The following FLYWCH1 variants were observed in gnomAD, a reference collection of about 807,000 sequenced individuals.
The protein encoded by FLYWCH1 is FLYWCH-type zinc finger 1, also known as FLYWCH-type zinc finger-containing protein 1.
In FLYWCH1, 75 loss-of-function variants were observed where a neutral mutation model predicts 66.4. The ratio of observed to expected loss-of-function variants is 1.13; its 90% confidence interval spans 0.94 to 1.37. FLYWCH1 has a LOEUF of 1.37. Ranked by LOEUF, FLYWCH1 falls within the 40% of genes most tolerant of loss-of-function variation. The probability of loss-of-function intolerance (pLI) is 0.00; values close to 1 mark genes in which losing one functional copy is unlikely to be tolerated. For missense variants in FLYWCH1, 1,334 were observed against 1,001.8 expected (o/e 1.33, Z -4.48); for synonymous variants, 595 against 429.9 (o/e 1.38, Z -4.75).
chr16:2,916,980 T>A (rs1433470263), intron 2 of FLYWCH1, among the ~76,000 whole-genome samples: 1 of 135,908 alleles, frequency 7.4e-6, no homozygotes. Flanking sequence ...CCATCTCTAG[T>A]AAAAAAAAAA....
intron 2 of FLYWCH1, among the ~76,000 whole-genome samples, chr16:2,915,802 A>AG (rs1289445424): frequency 7.2e-6 from 1 of 139,072 alleles, no homozygotes; most frequent in Non-Finnish European, 1.6e-5. Context: ...GTGTCGAGAG[A>AG]AAAAAAAAAA....
In FLYWCH1 at chr16:2,933,144, C is replaced by G; in HGVS notation, c.811C>G (p.Leu271Val). ...SILGLGQARP[L>V]EFLRTCYGGS... Reference sequence around the variant, plus strand: ...CTCTCCTCTAGGACAGGCCCGGCCCCTCGAGTTCCTGAGGACGTGCTACGG... The same window carrying G: ...CTCTCCTCTAGGACAGGCCCGGCCCGTCGAGTTCCTGAGGACGTGCTACGG... The change falls in exon 5 of 10, where the codon CTC (leucine) becomes GTC (valine). Residue 271 changes from leucine (L) to valine (V), a missense_variant. Leu to Val is a conservative substitution (Grantham distance 32). Transcript: ENST00000253928. 2 of 1,613,452 alleles carry G rather than the reference C, an allele frequency of 1.2e-6. No homozygotes were observed. The highest frequency in any genetic ancestry group is 1.7e-6 in the Non-Finnish European group (2 of 1,179,718).
intron 4 of FLYWCH1, among the ~76,000 whole-genome samples, chr16:2,931,874 G>A (rs1030184727): frequency 5.9e-5 from 9 of 152,136 alleles, no homozygotes; most frequent in Non-Finnish European, 1.2e-4. Flanking sequence ...AGCACTTTGG[G>A]AGGTCGAGGT....
chr16:2,939,327 C>G (rs977879540), intron 8 of FLYWCH1, among the ~76,000 whole-genome samples: 2 of 152,098 alleles, frequency 1.3e-5, no homozygotes, highest in African/African-American at 2.4e-5. Context: ...TGCCTGTAAT[C>G]CCAGCTACGC....
At position 2,937,588 on chromosome 16, in the gene FLYWCH1, C is replaced by T. The variant is rs539638811; in HGVS notation, c.1777+204C>T. ...CCTCTGGGTAGTGGGGACTGGCTGT[C>T]GGAGGTAGAAACCCACTCAGCTCTC... On this transcript the variant is annotated intron_variant, in intron 7 of 9. Transcript: ENST00000253928. Among the ~76,000 whole-genome samples, 20 of 152,224 alleles carry T rather than the reference C, an allele frequency of 1.3e-4. No homozygotes were observed. The East Asian group carries it at 1.9e-3, about 15-fold the overall frequency.
chr16:2,938,054 G>A (rs1265033916), intron 7 of FLYWCH1, 130 bp from the exon 8 acceptor site: 1 of 883,980 alleles, frequency 1.1e-6, no homozygotes, highest in Non-Finnish European at 1.7e-6. Context: ...GAGGAGGGCA[G>A]GGACCACCGT....
At chr16:2,932,089 G>T (rs1305465496) in intron 4 of FLYWCH1, among the ~76,000 whole-genome samples, 1 of 144,104 alleles carries the variant, frequency 6.9e-6, no homozygotes, top group Non-Finnish European at 1.5e-5. Context: ...CCGCACTCCA[G>T]CCTGGGCAAA....
chr16:2,913,982 T>C (rs925668562), intron 1 of FLYWCH1, among the ~76,000 whole-genome samples, 194 bp from the exon 2 acceptor site: 4 of 152,182 alleles, frequency 2.6e-5, no homozygotes, highest in African/African-American at 9.7e-5. Flanking sequence ...ACTGCTGAGA[T>C]GACAGGTGTG....
chr16:2,948,611 G>A (rs1356557544), intron 9 of FLYWCH1, 77 bp from the exon 10 acceptor site: 14 of 1,471,512 alleles, frequency 9.5e-6, no homozygotes, highest in Non-Finnish European at 1.1e-5. Context: ...AGGATTCCAG[G>A]AATCCTGAAC....
chr16:2,938,463 G>C lies in FLYWCH1; in HGVS notation c.2050+7G>C, dbSNP rs1366114212. On this transcript the variant is annotated splice_region_variant and intron_variant, in intron 8 of 9. Transcript: ENST00000253928. ...GCCCAGCAGGAGGACCCAGGTACAGGCAGGCTGTGGGGCAGAGGCAGGGCT... is the reference window on the plus strand; with the variant it reads ...GCCCAGCAGGAGGACCCAGGTACAGCCAGGCTGTGGGGCAGAGGCAGGGCT... 3.3e-6 allele frequency: 5 copies of C among 1,517,990 alleles called. No individual in the cohort carries two copies. Among genetic ancestry groups the C allele is most frequent in the Non-Finnish European group, 4.4e-6 (5 of 1,135,176 alleles). The allele number at this position is 1,517,990 out of a possible 1,614,324, so 94.0% of individuals were successfully genotyped here.
chr16:2,936,223 T>C (rs1362639502), intron 6 of FLYWCH1: 1 of 353,288 alleles, frequency 2.8e-6, no homozygotes, highest in Non-Finnish European at 5.7e-6. Context: ...TTGCTGGATA[T>C]TTTCATCCGT....
intron 9 of FLYWCH1, among the ~76,000 whole-genome samples, chr16:2,946,896 G>A (rs2151030019): frequency 6.6e-6 from 1 of 152,170 alleles, no homozygotes; most frequent in East Asian, 1.9e-4. Context: ...TACTCTCTTG[G>A]CGACGATGCA....
At chr16:2,936,838 A>ACT (rs2071024124) in intron 6 of FLYWCH1, 1 of 615,718 alleles carries the variant, frequency 1.6e-6, no homozygotes, top group African/African-American at 1.8e-5. Flanking sequence ...GGGACGGACG[A>ACT]GTGACGCAGC....
In FLYWCH1 at chr16:2,933,835, C is replaced by G; in HGVS notation, c.1369C>G (p.Arg457Gly). The G allele has an allele frequency of 6.2e-7, 1 of 1,608,670 alleles. No individual in the cohort carries two copies. Among genetic ancestry groups the G allele is most frequent in the Non-Finnish European group, 8.5e-7 (1 of 1,178,088 alleles). The change falls in exon 6 of 10, where the codon CGC becomes GGC. Residue 457 changes from arginine (R) to glycine (G), a missense_variant. Transcript: ENST00000253928. Reference sequence around the variant, plus strand: ...GTATTGGACCTGCCGGGACCAGGCCCGCATGGGCTGCCGCAGCCGCGCCAT... The same window carrying G: ...GTATTGGACCTGCCGGGACCAGGCCGGCATGGGCTGCCGCAGCCGCGCCAT... The part of the protein sequence containing the change: ...KVYWTCRDQA[R>G]MGCRSRAITQ...
intron 6 of FLYWCH1, chr16:2,936,807 T>A (rs1224827205): frequency 1.8e-6 from 1 of 564,580 alleles, no homozygotes; most frequent in Non-Finnish European, 3.4e-6. Context: ...GCACCCTGCA[T>A]GCAAGCCTGG....
chr16:2,924,678 C>G (rs956732013), intron 2 of FLYWCH1, among the ~76,000 whole-genome samples: 2 of 152,186 alleles, frequency 1.3e-5, no homozygotes, highest in African/African-American at 4.8e-5. Context: ...CCAGGCTAGT[C>G]AAGGTTCAGG....
At position 2,928,067 on chromosome 16, in the gene FLYWCH1, G is replaced by C. The variant is rs138436123; in HGVS notation, c.-73-1546G>C. On this transcript the variant is annotated intron_variant, in intron 2 of 9. Transcript: ENST00000253928. Reference sequence around the variant, plus strand: ...TGTGTCTGGATGTGCATGTAGGCCAGATTTGTGTTTCACTTCACACAAACA... The same window carrying C: ...TGTGTCTGGATGTGCATGTAGGCCACATTTGTGTTTCACTTCACACAAACA... Among the ~76,000 whole-genome samples, 525 of 152,348 alleles carry C rather than the reference G, an allele frequency of 3.4e-3. 4 individuals carry two copies. Among genetic ancestry groups the C allele is most frequent in the South Asian group, 9.5e-3 (46 of 4,832 alleles).
rs766769638 is a variant in FLYWCH1, at chr16:2,929,920, A to G, written c.235A>G (p.Thr79Ala). The G allele has an allele frequency of 2.5e-6, 4 of 1,613,640 alleles. No homozygotes were observed. The Admixed American group carries it at 5.0e-5, about 20-fold the overall frequency. The change falls in exon 3 of 10, where the codon ACC (threonine) becomes GCC (alanine). Residue 79 changes from threonine to alanine, a missense_variant. Coordinates refer to ENST00000253928, the MANE Select transcript of FLYWCH1 (RefSeq NM_001308068.2). ...EMAGPATLASTLQILPVEEQG... is the reference protein window; with the variant it reads ...EMAGPATLASALQILPVEEQG... ...GGCTGGCCCCGCCACCCTCGCCAGC[A>G]CCTTGCAGATCCTGCCAGTTGAGGA...
intron 9 of FLYWCH1, among the ~76,000 whole-genome samples, chr16:2,947,738 G>A (rs1269444350): frequency 1.4e-5 from 2 of 145,210 alleles, no homozygotes; most frequent in East Asian, 2.0e-4. Flanking sequence ...CTCCAGCTTG[G>A]GCAACAAGAG....
Sources: gnomAD v4.1 joint callset for allele counts (sites outside exome capture counted in the v4.1 genomes callset) on GRCh38, gnomAD v4.1.1 for gene constraint, MANE v1.5 for transcripts, NCBI Gene and HGNC (gene_info 2026-07-23, HGNC 2026-07-21) for gene names.